Variants in VWA5A observed in about 807,000 individuals in gnomAD.
The protein encoded by VWA5A is von Willebrand factor A domain containing 5A, also known as von Willebrand factor A domain-containing protein 5A.
A neutral mutation model predicts 84.6 loss-of-function variants in VWA5A; 77 were observed. That is an observed-to-expected ratio of 0.91 (90% confidence interval 0.76 to 1.10). The LOEUF is 1.10. Among genes scored for constraint, VWA5A ranks in the 50% least tolerant of loss-of-function variants. The pLI, the probability that VWA5A is intolerant of heterozygous loss-of-function variation, is 0.00. For missense variants in VWA5A, 973 were observed against 963.0 expected, an observed-to-expected ratio of 1.01 and a Z score of -0.14; for synonymous variants, 334 against 350.1, an observed-to-expected ratio of 0.95 and a Z score of 0.51.
Position 124,145,372 on chromosome 11 carries a change from A to G in VWA5A, c.2281+9A>G. On this transcript the variant is annotated intron_variant, in intron 18 of 18. Transcript: ENST00000456829. ...GATGCGTGCCCATGCAGGTAGGAGC[A>G]CAATCCTAAGGCCTGTCTCCTTCCC... The G allele has an allele frequency of 6.2e-7, 1 of 1,608,644 alleles. No homozygotes were observed. Among genetic ancestry groups the G allele is most frequent in the Admixed American group, 1.7e-5 (1 of 59,742 alleles).
Position 124,118,968 on chromosome 11 carries a change from C to T in VWA5A, c.646-7C>T. ...TAATGTGGCTCCTTTACCTGTCCTC[C>T]ACTCAGGTTTCCCTGGCTGCTGGAC... On this transcript the variant is annotated splice_polypyrimidine_tract_variant and splice_region_variant and intron_variant, in intron 6 of 18. Coordinates refer to ENST00000456829, the MANE Select transcript of VWA5A (RefSeq NM_001130142.2). The T allele has an allele frequency of 6.2e-7, 1 of 1,613,344 alleles. No individual in the cohort carries two copies. The highest frequency in any genetic ancestry group is 1.1e-5 in the South Asian group (1 of 90,934).
At position 124,147,606 on chromosome 11, in the gene VWA5A, C is replaced by A. The variant is rs1303210780; in HGVS notation, c.*1661C>A. 2 of 152,140 alleles carry A rather than the reference C, an allele frequency of 1.3e-5. No individual in the cohort carries two copies. Among genetic ancestry groups the A allele is most frequent in the Non-Finnish European group, 2.9e-5 (2 of 68,024 alleles). 9.4% of individuals were successfully genotyped at this position (152,140 alleles called of 1,614,324 possible). ...CTTTTTAGAAATGCAGAATTTTAAT[C>A]GATACCAGGAACTACTTTATTTAAC... On this transcript the variant is annotated 3_prime_UTR_variant, in exon 19 of 19. Coordinates refer to ENST00000456829, the MANE Select transcript of VWA5A (RefSeq NM_001130142.2).
At chr11:124,133,798 T>C (rs1865132369) in intron 11 of VWA5A, among the ~76,000 whole-genome samples, 1 of 152,220 alleles carries the variant, frequency 6.6e-6, no homozygotes, top group African/African-American at 2.4e-5. Context: ...CTGTGCTAGA[T>C]AAAAAGTAAG....
chr11:124,123,176 A>T (rs1276094149), intron 8 of VWA5A, 47 bp downstream of exon 8: 2 of 1,587,596 alleles, frequency 1.3e-6, no homozygotes, highest in Non-Finnish European at 1.7e-6. Context: ...TCAAGTGAGG[A>T]TGAATCTGAG....
chr11:124,125,439 C>T (rs566594863), intron 11 of VWA5A, among the ~76,000 whole-genome samples: 6 of 152,000 alleles, frequency 3.9e-5, no homozygotes, highest in South Asian at 2.1e-4. Flanking sequence ...CCCACCACCG[C>T]GCCCAGCTAA....
In VWA5A at chr11:124,137,001, T is replaced by C. The variant is rs1254259378; in HGVS notation, c.1626-14T>C. ...TTTCCCTACATTTCAGTACTTTTTT[T>C]TTTTTCCTTTCAGCCTCACCATTCA... On this transcript the variant is annotated splice_polypyrimidine_tract_variant and intron_variant, in intron 14 of 18. Coordinates refer to ENST00000456829, the MANE Select transcript of VWA5A (RefSeq NM_001130142.2). 4 of 1,603,404 alleles carry C rather than the reference T, an allele frequency of 2.5e-6. No homozygotes were observed. In the East Asian group the frequency reaches 8.9e-5, roughly 36 times the overall value.
At chr11:124,116,950 G>A (rs970449951) in intron 2 of VWA5A, among the ~76,000 whole-genome samples, 1 of 152,116 alleles carries the variant, frequency 6.6e-6, no homozygotes, top group Non-Finnish European at 1.5e-5. Context: ...CATGCAGCGC[G>A]TCTCTGAATG....
chr11:124,131,713 CTT>C lies in VWA5A; in HGVS notation c.1245-3204_1245-3203del, dbSNP rs370189077. Among the ~76,000 whole-genome samples the C allele has an allele frequency of 1.8e-3, 277 of 151,678 alleles. 1 individual carries two copies. Among genetic ancestry groups the C allele is most frequent in the African/African-American group, 6.3e-3 (259 of 41,440 alleles). ...TAATTAAATTATATATTTGCAGACT[CTT>C]TTAGATATTCTATGAAGAATCACAT... is the stretch of plus-strand genomic sequence containing the variant. On this transcript the variant is annotated intron_variant, in intron 11 of 18. Coordinates refer to ENST00000456829, the MANE Select transcript of VWA5A (RefSeq NM_001130142.2).
rs1168218909 is a variant in VWA5A at position 124,145,931 on chromosome 11, A to G, written c.2347A>G (p.Ile783Val). 1.1e-5 allele frequency: 18 copies of G among 1,586,290 alleles called. No homozygotes were observed. Among genetic ancestry groups the G allele is most frequent in the Non-Finnish European group, 1.5e-5 (17 of 1,162,322 alleles). ...TFLKSSVDPAIFAF is the reference protein window; with the variant it reads ...TFLKSSVDPAVFAF ...CCTGAAGTCATCTGTGGATCCTGCT[A>G]TCTTTGCCTTTTGAAGATACCATCC... is the stretch of plus-strand genomic sequence containing the variant. The change falls in exon 19 of 19, where the codon ATC becomes GTC. Residue 783 changes from isoleucine to valine, a missense_variant. Transcript: ENST00000456829.
intron 17 of VWA5A, among the ~76,000 whole-genome samples, chr11:124,144,589 T>A (rs1398172903): frequency 1.3e-5 from 2 of 152,160 alleles, no homozygotes; most frequent in Non-Finnish European, 2.9e-5. Context: ...CATTTCCAAG[T>A]TTTAAAAGTC....
At chr11:124,122,295 G>C (rs971729844) in intron 7 of VWA5A, among the ~76,000 whole-genome samples, 1 of 152,156 alleles carries the variant, frequency 6.6e-6, no homozygotes, top group Non-Finnish European at 1.5e-5. Context: ...AGTCACAGCT[G>C]TGGCTTTGAC....
intron 2 of VWA5A, chr11:124,117,242 C>T: frequency 1.9e-6 from 1 of 537,940 alleles, no homozygotes; most frequent in South Asian, 2.4e-5. Context: ...GTATTTGAAC[C>T]AGCCTCAGGG....
chr11:124,136,491 G>T, intron 13 of VWA5A, 83 bp from the exon 14 acceptor site: 2 of 1,457,072 alleles, frequency 1.4e-6, no homozygotes, highest in South Asian at 1.2e-5. Context: ...ACATTGTTTT[G>T]GGTACCTGCC....
intron 17 of VWA5A, 129 bp downstream of exon 17, chr11:124,142,701 A>G (rs1565291977): frequency 3.2e-6 from 4 of 1,252,868 alleles, no homozygotes; most frequent in Non-Finnish European, 4.3e-6. Flanking sequence ...ATTTGTAATA[A>G]ATAGAGGCTG....
At chr11:124,133,601 A>C (rs553738776) in intron 11 of VWA5A, among the ~76,000 whole-genome samples, 123 of 152,208 alleles carry the variant, frequency 8.1e-4, no homozygotes, top group Non-Finnish European at 1.3e-3. Context: ...GAACTTTCCT[A>C]GGGTGTTATA....
chr11:124,129,191 G>A (rs1396277260), intron 11 of VWA5A, among the ~76,000 whole-genome samples: 1 of 152,284 alleles, frequency 6.6e-6, no homozygotes, highest in Non-Finnish European at 1.5e-5. Context: ...TTAGCACAAA[G>A]GGTGTTGAAT....
intron 11 of VWA5A, 82 bp from the exon 12 acceptor site, chr11:124,134,838 T>C (rs546272433): frequency 9.4e-6 from 9 of 953,092 alleles, no homozygotes; most frequent in East Asian, 5.4e-5. Context: ...TATTTCCTTA[T>C]GTATTTTTGG....
intron 11 of VWA5A, among the ~76,000 whole-genome samples, chr11:124,134,257 A>C (rs562848778): frequency 1.6e-4 from 24 of 152,210 alleles, no homozygotes; most frequent in Non-Finnish European, 2.9e-4. Context: ...GATGGCTCAC[A>C]CTAAGAAAGA....
intron 11 of VWA5A, among the ~76,000 whole-genome samples, chr11:124,127,795 G>A (rs539348340): frequency 1.3e-5 from 2 of 152,024 alleles, no homozygotes; most frequent in Non-Finnish European, 2.9e-5. Context: ...CATGTTTGTT[G>A]GCCACATAAA....
Sources: allele counts gnomAD v4.1 joint callset (sites outside exome capture counted in the v4.1 genomes callset), GRCh38; gene constraint gnomAD v4.1.1; transcripts MANE v1.5; gene names NCBI Gene and HGNC (gene_info 2026-07-23, HGNC 2026-07-21).